The following TENM3 variants were observed in gnomAD, a reference collection of about 807,000 sequenced individuals.
The protein encoded by TENM3 is teneurin-3.
In TENM3, 63 loss-of-function variants were observed where a neutral mutation model predicts 255.1. The ratio of observed to expected loss-of-function variants is 0.25; its 90% CI spans 0.20 to 0.30. The LOEUF (loss-of-function observed/expected upper bound fraction) is 0.30. Ranked by LOEUF, TENM3 falls within the 10% of genes least tolerant of loss-of-function variation. The probability of loss-of-function intolerance (pLI) is 1.00; values close to 1 mark genes in which losing one functional copy is unlikely to be tolerated. For synonymous variants in TENM3, 1,306 were observed against 1,322.3 expected (o/e 0.99, Z 0.27); for missense variants, 2,929 against 3,461.1 (o/e 0.85, Z 3.86).
At chr4:181,796,819 A>C in the TENM3 span, among the ~76,000 whole-genome samples, 1 of 152,224 alleles carries the variant, frequency 6.6e-6, no homozygotes, top group Non-Finnish European at 1.5e-5. Context: ...TTCCTTCCAA[A>C]GGGTGGTGTT....
chr4:182,286,073 A>G (rs902762267), intron 1 of TENM3, among the ~76,000 whole-genome samples: 2 of 152,000 alleles, frequency 1.3e-5, no homozygotes, highest in African/African-American at 4.8e-5. Flanking sequence ...CCCCATCACA[A>G]CTATTCTGGT....
the TENM3 span, among the ~76,000 whole-genome samples, chr4:181,880,115 G>A: frequency 6.6e-6 from 1 of 152,070 alleles, no homozygotes; most frequent in African/African-American, 2.4e-5. Context: ...TTGAAACGTT[G>A]TTAAACTCTG....
chr4:181,770,888 C>A, the TENM3 span, among the ~76,000 whole-genome samples: 2 of 152,100 alleles, frequency 1.3e-5, no homozygotes, highest in African/African-American at 4.8e-5. Flanking sequence ...CCCCACACTC[C>A]GTTAACTCTT....
the TENM3 span, among the ~76,000 whole-genome samples, chr4:181,883,575 C>G: frequency 6.6e-6 from 1 of 151,988 alleles, no homozygotes; most frequent in Non-Finnish European, 1.5e-5. Context: ...CCCAGGTTCA[C>G]GCCATTCTCC....
At chr4:182,066,568 C>T in the TENM3 span, among the ~76,000 whole-genome samples, 1 of 130,132 alleles carries the variant, frequency 7.7e-6, no homozygotes, top group Non-Finnish European at 1.6e-5. Context: ...TATTTTTGCA[C>T]AACTTAAAGT....
intron 3 of TENM3, among the ~76,000 whole-genome samples, chr4:182,369,662 C>T (rs1442469069): frequency 6.6e-6 from 1 of 152,178 alleles, no homozygotes; most frequent in Non-Finnish European, 1.5e-5. Context: ...AGGCCGATCA[C>T]CTGAGGTCAG....
At chr4:181,700,763 G>A in the TENM3 span, among the ~76,000 whole-genome samples, 6 of 152,128 alleles carry the variant, frequency 3.9e-5, no homozygotes, top group Non-Finnish European at 7.3e-5. Context: ...GGTGCTGTGC[G>A]TGGCCACAGG....
the TENM3 span, among the ~76,000 whole-genome samples, chr4:181,910,943 T>C: frequency 6.6e-6 from 1 of 152,216 alleles, no homozygotes; most frequent in African/African-American, 2.4e-5. Flanking sequence ...AGTTGTTTGC[T>C]ATTATCAATG....
the TENM3 span, among the ~76,000 whole-genome samples, chr4:182,010,139 C>G: frequency 6.6e-6 from 1 of 152,196 alleles, no homozygotes. Flanking sequence ...TTCTAGTCGG[C>G]CATCTTGGCC....
the TENM3 span, among the ~76,000 whole-genome samples, chr4:181,710,367 G>C: frequency 1.3e-5 from 2 of 152,140 alleles, no homozygotes; most frequent in African/African-American, 4.8e-5. Context: ...ATAAGATGCA[G>C]ACTGGGAGGA....
intron 15 of TENM3, 115 bp downstream of exon 15, chr4:182,730,434 A>G: frequency 1.7e-6 from 2 of 1,183,208 alleles, no homozygotes; most frequent in Non-Finnish European, 2.4e-6. Flanking sequence ...GCAACTTTTT[A>G]GACTCTACAA....
rs10570169 is a variant in TENM3 at position 182,615,046 on chromosome 4, C to CATATAT, written c.750-13590_750-13585dup. Among the ~76,000 whole-genome samples, 269 of 112,032 alleles carry CATATAT rather than the reference C, an allele frequency of 2.4e-3. 2 individuals carry two copies. The highest frequency in any genetic ancestry group is 0.013 in the South Asian group (46 of 3,592). 73.5% of individuals were successfully genotyped at this position (112,032 alleles called of 152,430 possible). On this transcript the variant is annotated intron_variant, in intron 4 of 27. Coordinates refer to ENST00000511685, the MANE Select transcript of TENM3 (RefSeq NM_001080477.4). ...TTTCTCAGAAAAAAAAAAAAAAATA[C>CATATAT]ATATATATATATATATATATGTATT... is the stretch of plus-strand genomic sequence containing the variant.
chr4:182,459,242 T>C (rs1430631407), intron 3 of TENM3, among the ~76,000 whole-genome samples: 1 of 152,132 alleles, frequency 6.6e-6, no homozygotes, highest in Non-Finnish European at 1.5e-5. Context: ...GTGAGGCCTT[T>C]TCAAAAGAGA....
At chr4:182,771,604 G>A (rs981883391) in intron 22 of TENM3, among the ~76,000 whole-genome samples, 5 of 152,180 alleles carry the variant, frequency 3.3e-5, no homozygotes, top group Admixed American at 6.5e-5. Context: ...CATACCATGA[G>A]ATGTGTAATC....
chr4:182,331,633 C>G (rs1247242799), intron 2 of TENM3, among the ~76,000 whole-genome samples: 1 of 151,992 alleles, frequency 6.6e-6, no homozygotes, highest in African/African-American at 2.4e-5. Flanking sequence ...AAGACATACA[C>G]TTAAAATGGT....
chr4:182,736,679 T>G (rs1761193607), intron 16 of TENM3, 129 bp from the exon 17 acceptor site: 1 of 882,608 alleles, frequency 1.1e-6, no homozygotes, highest in African/African-American at 1.7e-5. Flanking sequence ...ACATTGTCTT[T>G]GTGAGTAAGT....
At chr4:181,686,404 C>T in the TENM3 span, among the ~76,000 whole-genome samples, 3 of 152,078 alleles carry the variant, frequency 2.0e-5, no homozygotes, top group Admixed American at 6.6e-5. Context: ...TTCTTCTTTT[C>T]CCTCAGTGAG....
the TENM3 span, among the ~76,000 whole-genome samples, chr4:181,628,077 C>G: frequency 1.3e-5 from 2 of 152,210 alleles, no homozygotes; most frequent in African/African-American, 4.8e-5. Context: ...TTGCGTTTCT[C>G]TGATGGCCAG....
intron 1 of TENM3, among the ~76,000 whole-genome samples, chr4:182,247,965 G>T (rs1757762308): frequency 1.3e-5 from 2 of 152,142 alleles, no homozygotes; most frequent in Non-Finnish European, 2.9e-5. Context: ...TGCCATTGCT[G>T]TTTGTCAGTG....
Sources: gnomAD v4.1 joint callset for allele counts (sites outside exome capture counted in the v4.1 genomes callset) on GRCh38, gnomAD v4.1.1 for gene constraint, MANE v1.5 for transcripts, NCBI Gene and HGNC (gene_info 2026-07-23, HGNC 2026-07-21) for gene names.